The following CCNY variants were observed in gnomAD, a reference collection of about 807,000 sequenced individuals.
The protein encoded by CCNY is cyclin-Y.
CCNY carries 19 observed loss-of-function variants against 42.8 expected under a neutral mutation model. The ratio of observed to expected loss-of-function variants is 0.44; its 90% confidence interval spans 0.31 to 0.65. CCNY has a LOEUF of 0.65. Among genes scored for constraint, CCNY ranks in the 30% least tolerant of loss-of-function variants. The pLI is 0.07. For synonymous variants in CCNY, 165 were observed against 162.7 expected, an observed-to-expected ratio of 1.01 and a Z score of -0.11; for missense variants, 370 against 437.3, an observed-to-expected ratio of 0.85 and a Z score of 1.37.
chr10:35,336,924 C>A lies in CCNY; in HGVS notation c.-130C>A. On this transcript the variant is annotated 5_prime_UTR_variant, in exon 1 of 10. Coordinates refer to ENST00000374704, the MANE Select transcript of CCNY (RefSeq NM_145012.6). Reference sequence around the variant, plus strand: ...GACCCGGCGGCCGGCCGCCGTTCCGCCCCCTCCCGTGGCGGCGAGCGGGCG... The same window carrying A: ...GACCCGGCGGCCGGCCGCCGTTCCGACCCCTCCCGTGGCGGCGAGCGGGCG... 4.0e-6 allele frequency: 2 copies of A among 503,462 alleles called. No individual in the cohort carries two copies. Among genetic ancestry groups the A allele is most frequent in the Non-Finnish European group, 5.3e-6 (2 of 379,904 alleles). The allele number at this position is 503,462 out of a possible 1,614,324, so 31.2% of individuals were successfully genotyped here.
At chr10:35,444,002 T>C (rs551419714) in intron 1 of CCNY, among the ~76,000 whole-genome samples, 2 of 152,358 alleles carry the variant, frequency 1.3e-5, no homozygotes, top group East Asian at 1.9e-4. Flanking sequence ...CTGTCTCTTT[T>C]GTGTGTGCTC....
chr10:35,335,172 A>G (rs980023324), upstream of CCNY, among the ~76,000 whole-genome samples: 1 of 151,628 alleles, frequency 6.6e-6, no homozygotes, highest in African/African-American at 2.4e-5. Context: ...TAAAGGCAAG[A>G]AAAGTCAGGG....
At chr10:35,562,797 C>T (rs1841492137) in intron 8 of CCNY, among the ~76,000 whole-genome samples, 2 of 152,158 alleles carry the variant, frequency 1.3e-5, no homozygotes, top group Middle Eastern at 3.4e-3. Flanking sequence ...CTTTTCAAGA[C>T]TTTGTTTCTC....
At chr10:35,315,207 G>A (rs1332261615) in intron 3 of CCNY, 2 of 152,160 alleles carry the variant, frequency 1.3e-5, no homozygotes, top group African/African-American at 4.8e-5. Context: ...TCATCACCCA[G>A]GTACTAAGCT....
intron 1 of CCNY, among the ~76,000 whole-genome samples, chr10:35,359,245 C>G (rs1429522753): frequency 6.6e-6 from 1 of 152,158 alleles, no homozygotes; most frequent in Non-Finnish European, 1.5e-5. Context: ...TCGACAGATG[C>G]TGTTGTGTGA....
chr10:35,417,479 A>T (rs1454119870), intron 1 of CCNY, among the ~76,000 whole-genome samples: 3 of 152,230 alleles, frequency 2.0e-5, no homozygotes, highest in Non-Finnish European at 4.4e-5. Context: ...GAAATGATGT[A>T]TGAGGGAAAG....
intron 9 of CCNY, among the ~76,000 whole-genome samples, chr10:35,568,420 C>A (rs1022947818): frequency 1.3e-5 from 2 of 152,224 alleles, no homozygotes; most frequent in Non-Finnish European, 2.9e-5. Flanking sequence ...CAGTGGCAGC[C>A]CTGGGAGAGT....
At chr10:35,291,023 T>A (rs1835407227) in intron 3 of CCNY, among the ~76,000 whole-genome samples, 1 of 151,722 alleles carries the variant, frequency 6.6e-6, no homozygotes, top group Non-Finnish European at 1.5e-5. Context: ...TTTTTTTTTT[T>A]AGATGGAATT....
intron 3 of CCNY, among the ~76,000 whole-genome samples, chr10:35,305,442 CT>C (rs2135079002): frequency 6.6e-6 from 1 of 152,302 alleles, no homozygotes; most frequent in Non-Finnish European, 1.5e-5. Flanking sequence ...CATGCAAACA[CT>C]TTGGTTTTGG....
Position 35,571,581 on chromosome 10 carries a change from T to A in CCNY, c.*2411T>A, listed in dbSNP as rs927194040. 8 of 152,400 alleles carry A rather than the reference T, an allele frequency of 5.2e-5. No homozygotes were observed. Among genetic ancestry groups the A allele is most frequent in the Admixed American group, 3.3e-4 (5 of 15,284 alleles). 9.4% of individuals were successfully genotyped at this position (152,400 alleles called of 1,614,324 possible). On this transcript the variant is annotated 3_prime_UTR_variant, in exon 10 of 10. Coordinates refer to ENST00000374704, the MANE Select transcript of CCNY (RefSeq NM_145012.6). ...GTAGATTTTAGTTTTACTGGCAGGA[T>A]GAATCACTTGACACATAGGTAGATA...
At position 35,304,299 on chromosome 10, in the gene CCNY, T is replaced by A. The variant is rs796958488; in HGVS notation, c.-9+53673T>A. Among the ~76,000 whole-genome samples the A allele has an allele frequency of 1.7e-3, 90 of 52,262 alleles. 25 individuals carry two copies. In the East Asian group the frequency reaches 0.021, roughly 12 times the overall value. 34.3% of individuals were successfully genotyped at this position (52,262 alleles called of 152,430 possible). A position where few individuals can be genotyped will look rare whatever the true frequency, so the allele number is the denominator to read the frequency against. ...AAAGGCTTTTTTCTCCTTTTATTTTTTTTTTTTTTTTATTTTTTATTTTTT... is the reference window on the plus strand; with the variant it reads ...AAAGGCTTTTTTCTCCTTTTATTTTATTTTTTTTTTTATTTTTTATTTTTT... On this transcript the variant is annotated intron_variant, in intron 3 of 11. Transcript: ENST00000374706.
chr10:35,530,074 C>T lies in CCNY; in HGVS notation c.459+44C>T, dbSNP rs761023726. On this transcript the variant is annotated intron_variant, in intron 6 of 9. Transcript: ENST00000374704. This position sits in a 1 kb window ranked among gnomAD's most constrained non-coding sequence, Gnocchi z 4.3. The stretch of plus-strand genomic sequence containing the variant: ...TTCATGAGATGATTTAATTATTTCT[C>T]TTTTGCTCCAATCGGGAGATCAGTC... 2 of 1,614,126 alleles carry T rather than the reference C, an allele frequency of 1.2e-6. No individual in the cohort carries two copies. Among genetic ancestry groups the T allele is most frequent in the Non-Finnish European group, 1.7e-6 (2 of 1,179,970 alleles).
chr10:35,382,553 C>T (rs1291603528), intron 1 of CCNY, among the ~76,000 whole-genome samples: 1 of 152,138 alleles, frequency 6.6e-6, no homozygotes, highest in Non-Finnish European at 1.5e-5. Flanking sequence ...TAGTTATCAC[C>T]ACTGGATGGG....
chr10:35,252,647 T>C (rs940254569), intron 3 of CCNY, among the ~76,000 whole-genome samples: 2 of 151,896 alleles, frequency 1.3e-5, no homozygotes, highest in African/African-American at 4.8e-5. Flanking sequence ...TGGAACAGTA[T>C]TGGAAAATAT....
chr10:35,431,863 A>G (rs961669366), intron 1 of CCNY, among the ~76,000 whole-genome samples: 21 of 152,022 alleles, frequency 1.4e-4, no homozygotes, highest in African/African-American at 4.8e-4. Context: ...CCTAGCCTCT[A>G]AACCACCAGA....
At chr10:35,332,592 G>A (rs971150498), upstream of CCNY, among the ~76,000 whole-genome samples, 1 of 152,210 alleles carries the variant, frequency 6.6e-6, no homozygotes, top group African/African-American at 2.4e-5. Context: ...CAAGAGCACT[G>A]ACTTAGCTAT....
intron 1 of CCNY, among the ~76,000 whole-genome samples, chr10:35,349,517 T>C (rs1836383042): frequency 6.6e-6 from 1 of 152,242 alleles, no homozygotes. Context: ...CACTTCTTAG[T>C]GTTCTGTTCC....
chr10:35,389,227 GCTGCTACTACTACTA>G (rs1294696448), intron 1 of CCNY, among the ~76,000 whole-genome samples: 1 of 152,034 alleles, frequency 6.6e-6, no homozygotes, highest in African/African-American at 2.4e-5. Context: ...ATATTTTATT[GCTGCTACTACTACTA>G]CTGCTACTAC....
chr10:35,452,592 A>G (rs1490875667), intron 1 of CCNY, among the ~76,000 whole-genome samples: 1 of 152,122 alleles, frequency 6.6e-6, no homozygotes, highest in Non-Finnish European at 1.5e-5. Context: ...CTTTCCCTCT[A>G]AGTGACTGCT....
Sources: allele counts gnomAD v4.1 joint callset (sites outside exome capture counted in the v4.1 genomes callset), GRCh38; gene constraint gnomAD v4.1.1; non-coding constraint Gnocchi (gnomAD v3.1); transcripts MANE v1.5; gene names NCBI Gene and HGNC (gene_info 2026-07-23, HGNC 2026-07-21).